PCDHB11: variants seen among roughly 807,000 people sequenced by gnomAD.
PCDHB11 encodes protocadherin beta-11.
For missense variants in PCDHB11, 1,151 were observed against 1,003.4 expected (o/e 1.15, Z -1.99); for synonymous variants, 522 against 442.0 (o/e 1.18, Z -2.27).
chr5:141,203,597 A>G lies in PCDHB11; in HGVS notation c.*1429A>G, dbSNP rs1754254090. ...TAAATTAAATATTATTTTGTGATCA[A>G]TATTATACTTCAATACTAACTTTGT... On this transcript the variant is annotated 3_prime_UTR_variant, in exon 1 of 1. Coordinates refer to ENST00000354757, the MANE Select transcript of PCDHB11 (RefSeq NM_018931.3). 1 of 152,276 alleles carries G rather than the reference A, an allele frequency of 6.6e-6. No homozygotes were observed. Among genetic ancestry groups the G allele is most frequent in the Non-Finnish European group, 1.5e-5 (1 of 68,028 alleles). 9.4% of individuals were successfully genotyped at this position (152,276 alleles called of 1,614,324 possible). A position where few individuals can be genotyped will look rare whatever the true frequency, so the allele number is the denominator to read the frequency against.
Position 141,201,238 on chromosome 5 carries a change from C to A in PCDHB11, c.1464C>A (p.Tyr488Ter), listed in dbSNP as rs1381058041. 22 of 1,613,174 alleles carry A rather than the reference C, an allele frequency of 1.4e-5. No homozygotes were observed. The highest frequency in any genetic ancestry group is 1.9e-5 in the Non-Finnish European group (22 of 1,180,058). Residue 488 changes from tyrosine to a stop codon, truncating the protein, a stop_gained, in exon 1 of 1, where the codon TAC (tyrosine) becomes TAA (stop). Transcript: ENST00000354757. LOFTEE classifies it low-confidence loss of function (END_TRUNC). ...CAGGCACCAACGCCCAGGTCAACTA[C>A]TCGCTACTCCCGCCCCAGGACCTGC... ...RDSGTNAQVN[Y>*]SLLPPQDLHL...
chr5:141,199,911 G>T lies in PCDHB11; in HGVS notation c.137G>T (p.Gly46Val). The stretch of plus-strand genomic sequence containing the variant: ...GAAATGCAGAGCGGGAGTTTTGTAG[G>T]CAATCTGGCAAAGGACCTGGGGCTG... ...AEEMQSGSFV[G>V]NLAKDLGLKV... The change falls in exon 1 of 1, where the codon GGC becomes GTC. Residue 46 changes from glycine (G) to valine (V), a missense_variant. Transcript: ENST00000354757. 6.2e-7 allele frequency: 1 copy of T among 1,614,132 alleles called. No homozygotes were observed. The highest frequency in any genetic ancestry group is 8.5e-7 in the Non-Finnish European group (1 of 1,180,032).
Position 141,201,234 on chromosome 5 carries a change from A to G in PCDHB11, c.1460A>G (p.Asn487Ser), listed in dbSNP as rs368457452. ...GACTCAGGCACCAACGCCCAGGTCAACTACTCGCTACTCCCGCCCCAGGAC... is the reference window on the plus strand; with the variant it reads ...GACTCAGGCACCAACGCCCAGGTCAGCTACTCGCTACTCCCGCCCCAGGAC... ...DRDSGTNAQV[N>S]YSLLPPQDLH... Residue 487 changes from asparagine (N) to serine (S), a missense_variant, in exon 1 of 1, where the codon AAC (asparagine) becomes AGC (serine). Coordinates refer to ENST00000354757, the MANE Select transcript of PCDHB11 (RefSeq NM_018931.3). The G allele has an allele frequency of 3.7e-6, 6 of 1,613,032 alleles. No individual in the cohort carries two copies. The South Asian group carries it at 5.5e-5, about 15-fold the overall frequency.
In PCDHB11 at chr5:141,201,767, G is replaced by A; in HGVS notation, c.1993G>A (p.Gly665Ser). Reference sequence around the variant, plus strand: ...CACGCTGCAAGTGCTCCTGGTGGACGGCTTCTCCCAGCCCTACCTGCCGCT... The same window carrying A: ...CACGCTGCAAGTGCTCCTGGTGGACAGCTTCTCCCAGCCCTACCTGCCGCT... ...TATLQVLLVD[G>S]FSQPYLPLPE... The change falls in exon 1 of 1, where the codon GGC becomes AGC. Residue 665 changes from glycine to serine, a missense_variant. Coordinates refer to ENST00000354757, the MANE Select transcript of PCDHB11 (RefSeq NM_018931.3). 1 of 1,609,416 alleles carries A rather than the reference G, an allele frequency of 6.2e-7. No individual in the cohort carries two copies. The highest frequency in any genetic ancestry group is 8.5e-7 in the Non-Finnish European group (1 of 1,179,752).
At position 141,201,427 on chromosome 5, in the gene PCDHB11, G is replaced by T; in HGVS notation, c.1653G>T (p.Val551=). Residue 551 remains valine, a synonymous_variant, in exon 1 of 1, where the codon GTG becomes GTT. Transcript: ENST00000354757. The stretch of plus-strand genomic sequence containing the variant: ...GCGAGGCGCTGGTGCGCGTGCTGGT[G>T]CTGGACGCCAACGACAACTCGCCCT... The part of the protein sequence containing the change: ...LSSEALVRVL[V]LDANDNSPFV... 1 of 1,611,798 alleles carries T rather than the reference G, an allele frequency of 6.2e-7. No homozygotes were observed. The highest frequency in any genetic ancestry group is 8.5e-7 in the Non-Finnish European group (1 of 1,179,728).
Position 141,200,173 on chromosome 5 carries a change from C to T in PCDHB11, c.399C>T (p.Phe133=). 1 of 1,614,144 alleles carries T rather than the reference C, an allele frequency of 6.2e-7. No individual in the cohort carries two copies. The highest frequency in any genetic ancestry group is 8.5e-7 in the Non-Finnish European group (1 of 1,180,024). The change falls in exon 1 of 1, where the codon TTC becomes TTT. Residue 133 remains phenylalanine (F), a synonymous_variant. Transcript: ENST00000354757. ...ATATAAATGATCACTCTCCCATCTT[C>T]TCGGAAAAACAAATGCTCCTAGAAA... ...VRDINDHSPI[F]SEKQMLLEIP...
Position 141,201,445 on chromosome 5 carries a change from C to A in PCDHB11, c.1671C>A (p.Asn557Lys), listed in dbSNP as rs1754187562. ...VRVLVLDAND[N>K]SPFVLYPLQN... ...TGCTGGTGCTGGACGCCAACGACAA[C>A]TCGCCCTTCGTGCTGTACCCGCTGC... Residue 557 changes from asparagine (N) to lysine (K), a missense_variant, in exon 1 of 1, where the codon AAC becomes AAA. By Grantham distance (94) the Asn-to-Lys change is moderately conservative (BLOSUM62 0). Coordinates refer to ENST00000354757, the MANE Select transcript of PCDHB11 (RefSeq NM_018931.3). 1.9e-6 allele frequency: 3 copies of A among 1,611,384 alleles called. No individual in the cohort carries two copies. In the South Asian group the frequency reaches 3.3e-5, roughly 18 times the overall value.
Position 141,199,667 on chromosome 5 carries a change from C to T in PCDHB11, c.-108C>T, listed in dbSNP as rs1299336361. The T allele has an allele frequency of 6.3e-6, 6 of 949,858 alleles. No individual in the cohort carries two copies. The highest frequency in any genetic ancestry group is 2.8e-5 in the Admixed American group (1 of 35,926). 58.8% of individuals were successfully genotyped at this position (949,858 alleles called of 1,614,324 possible). ...GCCTTCAAGAGGGTGACCTGGAAAC[C>T]ATTCAACAGGGTTAAAATCCTTAGA... On this transcript the variant is annotated 5_prime_UTR_variant, in exon 1 of 1. Transcript: ENST00000354757.
Position 141,201,096 on chromosome 5 carries a change from T to C in PCDHB11, c.1322T>C (p.Val441Ala). The change falls in exon 1 of 1, where the codon GTC becomes GCC. Residue 441 changes from valine to alanine, a missense_variant. Val to Ala is a moderately conservative substitution (Grantham distance 64, BLOSUM62 0). Transcript: ENST00000354757. ...ACCGAGCACAACACAACTGTGTTGG[T>C]CTCTGACGTCAATGACAACGCCCCC... is the stretch of plus-strand genomic sequence containing the variant. The part of the protein sequence containing the change: ...LKTEHNTTVL[V>A]SDVNDNAPTF... The C allele has an allele frequency of 6.2e-7, 1 of 1,614,158 alleles. No homozygotes were observed. The highest frequency in any genetic ancestry group is 8.5e-7 in the Non-Finnish European group (1 of 1,180,024).
rs781954709 is a variant in PCDHB11, at chr5:141,200,457, T to C, written c.683T>C (p.Val228Ala). The stretch of plus-strand genomic sequence containing the variant: ...CCTCCCAGGTCTGGAACTGCCTTGG[T>C]CAGGGTGGTGGTTGTGGACATTAAT... ...GSPPRSGTAL[V>A]RVVVVDINDN... Residue 228 changes from valine to alanine, a missense_variant, in exon 1 of 1, where the codon GTC (valine) becomes GCC (alanine). Coordinates refer to ENST00000354757, the MANE Select transcript of PCDHB11 (RefSeq NM_018931.3). 6.2e-7 allele frequency: 1 copy of C among 1,614,114 alleles called. No individual in the cohort carries two copies. The highest frequency in any genetic ancestry group is 1.1e-5 in the South Asian group (1 of 91,078).
At position 141,200,018 on chromosome 5, in the gene PCDHB11, G is replaced by A; in HGVS notation, c.244G>A (p.Gly82Arg). The A allele has an allele frequency of 6.2e-7, 1 of 1,614,132 alleles. No homozygotes were observed. Among genetic ancestry groups the A allele is most frequent in the Non-Finnish European group, 8.5e-7 (1 of 1,180,046 alleles). Residue 82 changes from glycine (G) to arginine (R), a missense_variant, in exon 1 of 1, where the codon GGG becomes AGG. Gly to Arg is a moderately radical substitution (Grantham distance 125). Coordinates refer to ENST00000354757, the MANE Select transcript of PCDHB11 (RefSeq NM_018931.3). ...KQRLQLDINT[G>R]DLLLSETLDR... is the part of the protein sequence containing the mutation. ...GCGTTTGCAGCTGGACATAAACACT[G>A]GGGATTTGCTCTTAAGTGAAACACT...
Sources: gnomAD v4.1 joint callset for allele counts on GRCh38, gnomAD v4.1.1 for gene constraint, MANE v1.5 for transcripts, NCBI Gene and HGNC (gene_info 2026-07-23, HGNC 2026-07-21) for gene names.